The following RIN3 variants were observed in gnomAD, a reference collection of about 807,000 sequenced individuals.
The protein encoded by RIN3 is RAB5 interacting protein 3.
RIN3 carries 54 observed loss-of-function variants against 76.3 expected under a neutral mutation model. The observed-to-expected ratio is 0.71, with a 90% confidence interval of 0.57 to 0.89. The LOEUF is 0.89. RIN3 is among the 40% of genes least tolerant of loss of function. The pLI, the probability that RIN3 is intolerant of heterozygous loss-of-function variation, is 0.00. For synonymous variants in RIN3, 576 were observed against 564.0 expected, an observed-to-expected ratio of 1.02 and a Z score of -0.30; for missense variants, 1,256 against 1,322.1, an observed-to-expected ratio of 0.95 and a Z score of 0.78.
chr14:92,673,544 C>T lies in RIN3; in HGVS notation c.2336-2931C>T, dbSNP rs568560907. Among the ~76,000 whole-genome samples the T allele has an allele frequency of 5.4e-5, 8 of 149,160 alleles. 1 individual carries two copies. The highest frequency in any genetic ancestry group is 4.2e-4 in the South Asian group (2 of 4,770). On this transcript the variant is annotated intron_variant, in intron 7 of 9. Transcript: ENST00000216487. ...TTTTTGAGACAGAGTTTCACTTTGT[C>T]GCCCAGGCTGGAGTGCAGTGGCACA...
chr14:92,581,178 G>T (rs1898423144), intron 3 of RIN3, among the ~76,000 whole-genome samples: 2 of 152,140 alleles, frequency 1.3e-5, no homozygotes, highest in African/African-American at 4.8e-5. Flanking sequence ...ATTTGGCCAG[G>T]GCCAGGCCTT....
In RIN3 at chr14:92,623,607, G is replaced by A. The variant is rs1255437741; in HGVS notation, c.440+8128G>A. 6.6e-6 allele frequency among the ~76,000 whole-genome samples: 1 copy of A among 152,198 alleles called. No homozygotes were observed. Among genetic ancestry groups the A allele is most frequent in the Non-Finnish European group, 1.5e-5 (1 of 68,046 alleles). On this transcript the variant is annotated intron_variant, in intron 4 of 9. Transcript: ENST00000216487. This position sits in a 1 kb window ranked among gnomAD's most constrained non-coding sequence, Gnocchi z 4.9. ...GGGGCCTCTCTTGTTTTACGGCGTT[G>A]TGGTTTCTTTTTTTCTGGTTGTTGA...
At chr14:92,653,670 C>T (rs1887556591) in intron 6 of RIN3, among the ~76,000 whole-genome samples, 1 of 152,170 alleles carries the variant, frequency 6.6e-6, no homozygotes, top group Non-Finnish European at 1.5e-5. Flanking sequence ...AAAGCTTTTC[C>T]GATTGTGGTT....
chr14:92,661,758 C>A (rs12586553), intron 7 of RIN3, among the ~76,000 whole-genome samples: 25,948 of 132,616 alleles, frequency 0.2, 2,910 homozygotes, highest in East Asian at 0.46. Context: ...CACACACACA[C>A]AAAAAATAGA....
Position 92,643,117 on chromosome 14 carries a change from G to C in RIN3, c.532+1788G>C, listed in dbSNP as rs1461230741. Reference sequence around the variant, plus strand: ...CACCCAGGCTGGAGTGCAGTGGTGCGATCTTGGCTCACTGCAACCTCCACC... The same window carrying C: ...CACCCAGGCTGGAGTGCAGTGGTGCCATCTTGGCTCACTGCAACCTCCACC... On this transcript the variant is annotated intron_variant, in intron 5 of 9. Coordinates refer to ENST00000216487, the MANE Select transcript of RIN3 (RefSeq NM_024832.5). This position sits in a 1 kb window ranked among gnomAD's most constrained non-coding sequence, Gnocchi z 4.8. Among the ~76,000 whole-genome samples, 1 of 151,860 alleles carries C rather than the reference G, an allele frequency of 6.6e-6. No homozygotes were observed. Among genetic ancestry groups the C allele is most frequent in the Non-Finnish European group, 1.5e-5 (1 of 67,966 alleles).
At chr14:92,521,244 T>C (rs12436927) in intron 1 of RIN3, among the ~76,000 whole-genome samples, 13,820 of 151,658 alleles carry the variant, frequency 0.091, 781 homozygotes, top group South Asian at 0.2. Flanking sequence ...CATTTATCTA[T>C]CCATCCATGC....
At chr14:92,613,726 G>C (rs567525598) in intron 3 of RIN3, among the ~76,000 whole-genome samples, 1 of 152,238 alleles carries the variant, frequency 6.6e-6, no homozygotes, top group East Asian at 1.9e-4. Context: ...GAAAGGGCAC[G>C]CTCTAAGCCT....
chr14:92,517,942 T>A (rs1041964073), intron 1 of RIN3, among the ~76,000 whole-genome samples: 2 of 152,154 alleles, frequency 1.3e-5, no homozygotes, highest in Non-Finnish European at 2.9e-5. Flanking sequence ...AAAAGGTCCC[T>A]CAAGAAAGTC....
chr14:92,631,994 G>C (rs11621587), intron 4 of RIN3, among the ~76,000 whole-genome samples: 18,366 of 152,162 alleles, frequency 0.12, 1,491 homozygotes, highest in Non-Finnish European at 0.18. Context: ...TCATATACAA[G>C]GGGTGATTCA....
chr14:92,522,548 G>A (rs1159999431), intron 1 of RIN3, among the ~76,000 whole-genome samples: 1 of 152,068 alleles, frequency 6.6e-6, no homozygotes, highest in African/African-American at 2.4e-5. Flanking sequence ...TGCCATCTTC[G>A]ATGGTGTCAT....
intron 7 of RIN3, among the ~76,000 whole-genome samples, chr14:92,674,889 C>CA (rs34494858): frequency 0.037 from 4,351 of 118,454 alleles, 217 homozygotes; most frequent in African/African-American, 0.12. Flanking sequence ...AACTCTGTCT[C>CA]AAAAAAAAAA....
intron 3 of RIN3, among the ~76,000 whole-genome samples, chr14:92,577,826 A>C (rs550773990): frequency 6.6e-6 from 1 of 152,306 alleles, no homozygotes; most frequent in East Asian, 1.9e-4. Flanking sequence ...CTCAGCACAC[A>C]CTCAATCCAT....
chr14:92,665,924 G>A (rs1888081133), intron 7 of RIN3, among the ~76,000 whole-genome samples: 1 of 152,110 alleles, frequency 6.6e-6, no homozygotes, highest in Admixed American at 6.5e-5. Flanking sequence ...GGGCAGCTGT[G>A]TAGTCTATGG....
intron 3 of RIN3, among the ~76,000 whole-genome samples, chr14:92,604,877 G>GA (rs1885468669): frequency 6.9e-6 from 1 of 145,524 alleles, no homozygotes; most frequent in East Asian, 2.0e-4. Context: ...CTTCTGTTGA[G>GA]GCTTCCTGTC....
chr14:92,669,968 TC>T (rs771873932), intron 7 of RIN3, among the ~76,000 whole-genome samples: 1 of 152,012 alleles, frequency 6.6e-6, no homozygotes, highest in Non-Finnish European at 1.5e-5. Flanking sequence ...CAATCATAGC[TC>T]ACTGCAGCCT....
Position 92,688,413 on chromosome 14 carries a change from C to T in RIN3, c.*161C>T, listed in dbSNP as rs1038113574. On this transcript the variant is annotated 3_prime_UTR_variant, in exon 10 of 10. Coordinates refer to ENST00000216487, the MANE Select transcript of RIN3 (RefSeq NM_024832.5). ...ACAGTTGTGAAAATAACATGACGCT[C>T]GTCCAAGGCCACTTCCTGAGGGCAA... The T allele has an allele frequency of 2.7e-5, 18 of 667,008 alleles. No homozygotes were observed. The highest frequency in any genetic ancestry group is 6.1e-5 in the Admixed American group (2 of 32,940). The allele number at this position is 667,008 out of a possible 1,614,324, so 41.3% of individuals were successfully genotyped here.
rs1047678734 is a variant in RIN3, at chr14:92,641,277, C to A, written c.480C>A (p.Ile160=). The A allele has an allele frequency of 1.5e-5, 25 of 1,614,042 alleles. No homozygotes were observed. The highest frequency in any genetic ancestry group is 2.1e-5 in the Non-Finnish European group (25 of 1,180,000). Residue 160 remains isoleucine, a synonymous_variant, in exon 5 of 10, where the codon ATC becomes ATA. Transcript: ENST00000216487. ...LPFTLRLPQA[I]LEASSFTDLE... ...TCACACTGCGGCTACCCCAGGCCAT[C>A]CTTGAGGCCAGCAGCTTCACGGACC... is the stretch of plus-strand genomic sequence containing the variant.
intron 1 of RIN3, among the ~76,000 whole-genome samples, chr14:92,535,015 C>A (rs1320893871): frequency 6.6e-6 from 1 of 152,160 alleles, no homozygotes; most frequent in African/African-American, 2.4e-5. Flanking sequence ...TAGGAGAGCT[C>A]CGGTTCTTCC....
At chr14:92,517,737 G>T (rs984741231) in intron 1 of RIN3, among the ~76,000 whole-genome samples, 4 of 152,200 alleles carry the variant, frequency 2.6e-5, no homozygotes, top group African/African-American at 9.7e-5. Flanking sequence ...TTTCCCCCAA[G>T]ATTGGAGCCA....
Sources: gnomAD v4.1 joint callset for allele counts (sites outside exome capture counted in the v4.1 genomes callset) on GRCh38, gnomAD v4.1.1 for gene constraint, Gnocchi (gnomAD v3.1) non-coding constraint, MANE v1.5 for transcripts, NCBI Gene and HGNC (gene_info 2026-07-23, HGNC 2026-07-21) for gene names.